Variants in CDC42BPA observed in about 807,000 individuals in gnomAD.
CDC42BPA encodes the protein CDC42 binding protein kinase alpha.
In CDC42BPA, 80 loss-of-function variants were observed where a neutral mutation model predicts 223.5. The observed-to-expected ratio is 0.36, with a 90% CI of 0.30 to 0.43. The LOEUF (loss-of-function observed/expected upper bound fraction) is 0.43. CDC42BPA is among the 20% of genes least tolerant of loss of function. The probability of loss-of-function intolerance (pLI) is 1.00; values close to 1 mark genes in which losing one functional copy is unlikely to be tolerated. For synonymous variants in CDC42BPA, 694 were observed against 718.6 expected (o/e 0.97, Z 0.55); for missense variants, 1,743 against 2,099.9 (o/e 0.83, Z 3.32).
chr1:227,081,080 G>A lies in CDC42BPA; in HGVS notation c.2356-63C>T. 4 of 1,553,152 alleles carry A rather than the reference G, an allele frequency of 2.6e-6. No homozygotes were observed. The South Asian group carries it at 4.6e-5, about 18-fold the overall frequency. Reference sequence around the variant, plus strand: ...CCAAGAATTCGAGGTGTTCAGACAGGTATTGTCAAATTTGATTACTCAACA... The same window carrying A: ...CCAAGAATTCGAGGTGTTCAGACAGATATTGTCAAATTTGATTACTCAACA... On this transcript the variant is annotated intron_variant, in intron 16 of 36. Transcript: ENST00000366766.
At chr1:227,092,725 T>TATTA (rs1453415303) in intron 15 of CDC42BPA, among the ~76,000 whole-genome samples, 1 of 152,220 alleles carries the variant, frequency 6.6e-6, no homozygotes, top group Non-Finnish European at 1.5e-5. Context: ...ATTTCATTAT[T>TATTA]ATTAGCAAAG....
chr1:227,225,221 T>C (rs1676654583), intron 2 of CDC42BPA, among the ~76,000 whole-genome samples: 1 of 152,274 alleles, frequency 6.6e-6, no homozygotes, highest in East Asian at 1.9e-4. Context: ...TGGAAAAATA[T>C]CCCTCAAATT....
intron 1 of CDC42BPA, among the ~76,000 whole-genome samples, chr1:227,297,049 A>T (rs1226442065): frequency 6.6e-6 from 1 of 152,212 alleles, no homozygotes; most frequent in African/African-American, 2.4e-5. Context: ...AATCTAAGAA[A>T]TTTCTATACC....
intron 1 of CDC42BPA, among the ~76,000 whole-genome samples, chr1:227,291,719 CCA>C (rs1689730106): frequency 6.6e-6 from 1 of 152,164 alleles, no homozygotes; most frequent in Non-Finnish European, 1.5e-5. Context: ...ATTCTTCAAA[CCA>C]GTTTGCATCA....
intron 14 of CDC42BPA, among the ~76,000 whole-genome samples, chr1:227,103,866 GAATTA>G (rs1476496330): frequency 6.6e-6 from 1 of 151,922 alleles, no homozygotes; most frequent in Non-Finnish European, 1.5e-5. Flanking sequence ...AAAGAAAGCA[GAATTA>G]AATACTTATC....
In CDC42BPA at chr1:227,112,678, T is replaced by A; in HGVS notation, c.1883A>T (p.Lys628Ile). Reference protein sequence around the residue: ...RQELRRTERAKKELEVHTEAL... With the variant: ...RQELRRTERAIKELEVHTEAL... ...ATTTGCCTGACTACTAACCTCTTTTTTGGCTCTTTCTGTTCTGCGCAGTTC... is the reference window on the plus strand; with the variant it reads ...ATTTGCCTGACTACTAACCTCTTTTATGGCTCTTTCTGTTCTGCGCAGTTC... The change falls in exon 13 of 37, where the codon AAA becomes ATA. Residue 628 changes from lysine (K) to isoleucine (I), a missense_variant. Coordinates refer to ENST00000366766, the MANE Select transcript of CDC42BPA (RefSeq NM_001394014.1). 6.2e-7 allele frequency: 1 copy of A among 1,613,470 alleles called. No individual in the cohort carries two copies. The highest frequency in any genetic ancestry group is 8.5e-7 in the Non-Finnish European group (1 of 1,179,840).
chr1:227,106,879 T>C (rs1005604097), intron 14 of CDC42BPA, among the ~76,000 whole-genome samples: 20 of 152,224 alleles, frequency 1.3e-4, no homozygotes, highest in African/African-American at 4.6e-4. Context: ...CATAGATACA[T>C]GCATTTATTT....
intron 2 of CDC42BPA, among the ~76,000 whole-genome samples, chr1:227,250,467 G>A (rs1298948552): frequency 2.6e-5 from 4 of 151,830 alleles, no homozygotes; most frequent in Non-Finnish European, 5.9e-5. Context: ...CAGCCTGGGC[G>A]ACAAGAGCAA....
At chr1:227,228,404 A>T (rs576374605) in intron 2 of CDC42BPA, among the ~76,000 whole-genome samples, 2 of 152,274 alleles carry the variant, frequency 1.3e-5, no homozygotes, top group East Asian at 3.9e-4. Flanking sequence ...CAGATATACC[A>T]CATTTTGTTT....
Position 226,989,865 on chromosome 1 carries a change from T to C in CDC42BPA, c.*4403A>G, listed in dbSNP as rs1660498463. On this transcript the variant is annotated 3_prime_UTR_variant, in exon 37 of 37. Transcript: ENST00000366766. ...GGAAAAGAGACAAAATACTCAATGC[T>C]AACAGTTCTCTGTTTTATTGCAATA... 1 of 152,648 alleles carries C rather than the reference T, an allele frequency of 6.6e-6. No individual in the cohort carries two copies. The highest frequency in any genetic ancestry group is 6.5e-5 in the Admixed American group (1 of 15,280). The allele number at this position is 152,648 out of a possible 1,614,324, so 9.5% of individuals were successfully genotyped here. A position where few individuals can be genotyped will look rare whatever the true frequency, so the allele number is the denominator to read the frequency against.
At chr1:227,217,603 T>A (rs574022457) in intron 2 of CDC42BPA, among the ~76,000 whole-genome samples, 1 of 152,238 alleles carries the variant, frequency 6.6e-6, no homozygotes, top group Non-Finnish European at 1.5e-5. Context: ...ACTCCTCTGC[T>A]CCACAGCTTC....
At chr1:227,080,742 G>C in intron 17 of CDC42BPA, 151 bp downstream of exon 17, 1 of 821,466 alleles carries the variant, frequency 1.2e-6, no homozygotes, top group Non-Finnish European at 2.0e-6. Context: ...GAACACAACA[G>C]ATCAGTAATA....
chr1:227,091,798 T>C (rs1219064221), intron 16 of CDC42BPA, 88 bp downstream of exon 16: 1 of 629,868 alleles, frequency 1.6e-6, no homozygotes, highest in Non-Finnish European at 2.7e-6. Context: ...CAAAAATGTA[T>C]GTCAAATATA....
At chr1:227,254,751 T>TA (rs1444758057) in intron 1 of CDC42BPA, among the ~76,000 whole-genome samples, 2 of 152,348 alleles carry the variant, frequency 1.3e-5, no homozygotes, top group East Asian at 1.9e-4. Context: ...AATAATGTGA[T>TA]AAAGTTTTAA....
At chr1:227,014,966 C>T (rs955137820) in intron 34 of CDC42BPA, among the ~76,000 whole-genome samples, 1 of 151,970 alleles carries the variant, frequency 6.6e-6, no homozygotes, top group Non-Finnish European at 1.5e-5. Context: ...CAATGTTGTA[C>T]TTTTTTTTCT....
At chr1:227,073,806 CA>C in intron 19 of CDC42BPA, 57 bp downstream of exon 19, 1 of 1,343,904 alleles carries the variant, frequency 7.4e-7, no homozygotes. Context: ...AACTTCTCTC[CA>C]AATAATTATG....
rs1271996331 is a variant in CDC42BPA at position 227,232,775 on chromosome 1, C to G, written c.271-19556G>C. 3.3e-5 allele frequency among the ~76,000 whole-genome samples: 5 copies of G among 152,212 alleles called. No individual in the cohort carries two copies. In the East Asian group the frequency reaches 9.6e-4, roughly 29 times the overall value. On this transcript the variant is annotated intron_variant, in intron 2 of 36. Transcript: ENST00000366766. ...TGCTGTCTGATCCTTCTTCTGGAAGCTTCGTCTCAGAGGGAAACCCGGCTG... is the reference window on the plus strand; with the variant it reads ...TGCTGTCTGATCCTTCTTCTGGAAGGTTCGTCTCAGAGGGAAACCCGGCTG...
chr1:227,259,325 C>T (rs1275738478), intron 1 of CDC42BPA, among the ~76,000 whole-genome samples: 1 of 151,008 alleles, frequency 6.6e-6, no homozygotes, highest in African/African-American at 2.5e-5. Flanking sequence ...AACATACAAA[C>T]TCAGCAAGTG....
At chr1:227,057,417 T>C (rs1014857823) in intron 21 of CDC42BPA, among the ~76,000 whole-genome samples, 1 of 152,172 alleles carries the variant, frequency 6.6e-6, no homozygotes, top group African/African-American at 2.4e-5. Flanking sequence ...AAAAACATGG[T>C]ATATAACATA....
Sources: allele counts gnomAD v4.1 joint callset (sites outside exome capture counted in the v4.1 genomes callset), GRCh38; gene constraint gnomAD v4.1.1; transcripts MANE v1.5; gene names NCBI Gene and HGNC (gene_info 2026-07-23, HGNC 2026-07-21).